Variants in RBM19 observed in about 807,000 individuals in gnomAD.
RBM19 encodes the protein RNA binding motif protein 19.
In RBM19, 94 loss-of-function variants were observed where a neutral mutation model predicts 116.8. The observed-to-expected ratio is 0.80, with a 90% CI of 0.68 to 0.95. The LOEUF is 0.95. RBM19 is among the 40% of genes least tolerant of loss of function. The pLI is 0.00. For synonymous variants in RBM19, 475 were observed against 494.1 expected (o/e 0.96, Z 0.51); for missense variants, 1,161 against 1,220.7 (o/e 0.95, Z 0.73).
chr12:113,912,197 A>G (rs1358628259), intron 21 of RBM19, among the ~76,000 whole-genome samples: 2 of 152,186 alleles, frequency 1.3e-5, no homozygotes, highest in African/African-American at 4.8e-5. Flanking sequence ...CCCCTCCAGC[A>G]GGCGGGGTAG....
At chr12:113,840,433 C>CG (rs1565967124) in intron 23 of RBM19, among the ~76,000 whole-genome samples, 1 of 152,186 alleles carries the variant, frequency 6.6e-6, no homozygotes, top group Non-Finnish European at 1.5e-5. Context: ...CTCCTGCCCC[C>CG]GGGAAAACAT....
intron 22 of RBM19, among the ~76,000 whole-genome samples, chr12:113,851,923 C>T (rs975732152): frequency 7.9e-5 from 12 of 151,830 alleles, no homozygotes; most frequent in African/African-American, 1.9e-4. Context: ...TGGAGGCGCA[C>T]GTCTGTGATC....
chr12:113,837,991 C>T (rs956309975), intron 23 of RBM19, among the ~76,000 whole-genome samples: 5 of 152,154 alleles, frequency 3.3e-5, no homozygotes, highest in African/African-American at 7.2e-5. Context: ...AATAAAGACA[C>T]CAAAACGTCT....
chr12:113,944,504 C>T (rs563165196), intron 13 of RBM19, among the ~76,000 whole-genome samples: 9 of 152,160 alleles, frequency 5.9e-5, no homozygotes, highest in African/African-American at 2.2e-4. Context: ...CTTTGTACTT[C>T]ATATATATAA....
At chr12:113,832,576 C>T (rs923037641) in intron 23 of RBM19, among the ~76,000 whole-genome samples, 2 of 152,174 alleles carry the variant, frequency 1.3e-5, no homozygotes, top group Admixed American at 6.5e-5. Context: ...TGTCAGGACC[C>T]GCTATGGCAA....
intron 22 of RBM19, among the ~76,000 whole-genome samples, chr12:113,850,786 T>A (rs1593481600): frequency 1.3e-5 from 2 of 152,216 alleles, no homozygotes; most frequent in East Asian, 1.9e-4. Flanking sequence ...CTCAGGGAGC[T>A]GTCCCTGGCA....
At chr12:113,955,349 T>C (rs1871838904) in intron 6 of RBM19, 138 bp from the exon 7 acceptor site, 2 of 802,746 alleles carry the variant, frequency 2.5e-6, no homozygotes, top group Admixed American at 2.0e-5. Context: ...GAAGAATCAA[T>C]GTCCACCGTG....
chr12:113,885,402 A>G (rs983231343), intron 21 of RBM19, among the ~76,000 whole-genome samples: 3 of 152,214 alleles, frequency 2.0e-5, no homozygotes, highest in African/African-American at 7.2e-5. Flanking sequence ...ACAGGGTAAC[A>G]TTTCCAAAAT....
At chr12:113,829,942 G>T (rs1375601134) in intron 23 of RBM19, among the ~76,000 whole-genome samples, 1 of 152,218 alleles carries the variant, frequency 6.6e-6, no homozygotes, top group Non-Finnish European at 1.5e-5. Flanking sequence ...GCGCCTGCTG[G>T]CTCTAAGCAG....
chr12:113,960,254 G>T (rs1872377792), intron 2 of RBM19, 76 bp from the exon 3 acceptor site: 14 of 1,596,028 alleles, frequency 8.8e-6, no homozygotes, highest in Non-Finnish European at 1.2e-5. Flanking sequence ...GCACCTGGGA[G>T]CTCGGGCATT....
At chr12:113,826,860 G>T (rs1874908146) in intron 23 of RBM19, among the ~76,000 whole-genome samples, 1 of 152,178 alleles carries the variant, frequency 6.6e-6, no homozygotes, top group Non-Finnish European at 1.5e-5. Flanking sequence ...CTCTTACGCG[G>T]AGCCTGGCTT....
chr12:113,945,383 GC>G (rs1870926529), intron 13 of RBM19, among the ~76,000 whole-genome samples: 2 of 152,190 alleles, frequency 1.3e-5, no homozygotes, highest in Non-Finnish European at 2.9e-5. Context: ...ATGGTTCAGA[GC>G]CAAGGCACCG....
intron 21 of RBM19, among the ~76,000 whole-genome samples, chr12:113,864,683 G>A (rs1878673637): frequency 6.6e-6 from 1 of 152,192 alleles, no homozygotes; most frequent in Non-Finnish European, 1.5e-5. Context: ...TCTATAATGG[G>A]CAATTTCTGT....
At chr12:113,933,623 T>C (rs542950945) in intron 16 of RBM19, among the ~76,000 whole-genome samples, 2 of 152,110 alleles carry the variant, frequency 1.3e-5, no homozygotes, top group African/African-American at 4.8e-5. Flanking sequence ...GTTGGACACA[T>C]GCTCAAACCT....
At chr12:113,839,901 T>C (rs1026406385) in intron 23 of RBM19, among the ~76,000 whole-genome samples, 2 of 152,180 alleles carry the variant, frequency 1.3e-5, no homozygotes, top group Admixed American at 1.3e-4. Flanking sequence ...AAGTTGATGC[T>C]CTTTTTCCTA....
At chr12:113,835,706 C>T (rs900884838) in intron 23 of RBM19, among the ~76,000 whole-genome samples, 3 of 152,344 alleles carry the variant, frequency 2.0e-5, no homozygotes, top group Non-Finnish European at 2.9e-5. Flanking sequence ...ATAGATCTCC[C>T]GCCCCAGCCC....
chr12:113,856,228 C>A (rs530218483), intron 22 of RBM19, among the ~76,000 whole-genome samples: 1 of 152,302 alleles, frequency 6.6e-6, no homozygotes, highest in South Asian at 2.1e-4. Context: ...GAGGAGCTGC[C>A]ACCTCCATAA....
chr12:113,823,453 G>T, intron 23 of RBM19, 132 bp from the exon 24 acceptor site: 1 of 707,342 alleles, frequency 1.4e-6, no homozygotes. Context: ...AGACAGAACA[G>T]AAGCGAGAGA....
intron 6 of RBM19, among the ~76,000 whole-genome samples, chr12:113,956,639 G>T (rs920736134): frequency 2.7e-5 from 4 of 149,764 alleles, no homozygotes; most frequent in Non-Finnish European, 5.9e-5. Context: ...GCTTCACAGA[G>T]AAAGGAGGGA....
Sources: allele counts gnomAD v4.1 joint callset (sites outside exome capture counted in the v4.1 genomes callset), GRCh38; gene constraint gnomAD v4.1.1; transcripts MANE v1.5; gene names NCBI Gene and HGNC (gene_info 2026-07-23, HGNC 2026-07-21).